Variants in ZMYND8 observed in about 807,000 individuals in gnomAD.
ZMYND8 encodes MYND-type zinc finger-containing chromatin reader ZMYND8.
ZMYND8 carries 37 observed loss-of-function variants against 140.8 expected under a neutral mutation model. That is an observed-to-expected ratio of 0.26 (90% confidence interval 0.20 to 0.35). ZMYND8 has a LOEUF of 0.35. Among genes scored for constraint, ZMYND8 ranks in the 10% least tolerant of loss-of-function variants. The probability of loss-of-function intolerance (pLI) is 1.00; values close to 1 mark genes in which losing one functional copy is unlikely to be tolerated. For synonymous variants in ZMYND8, 592 were observed against 597.1 expected (o/e 0.99, Z 0.12); for missense variants, 1,068 against 1,570.0 (o/e 0.68, Z 5.40).
Position 47,209,710 on chromosome 20 carries a change from C to G in ZMYND8, c.*1051G>C, listed in dbSNP as rs571378353. 1 of 152,766 alleles carries G rather than the reference C, an allele frequency of 6.5e-6. No homozygotes were observed. Among genetic ancestry groups the G allele is most frequent in the East Asian group, 1.9e-4 (1 of 5,184 alleles). The allele number at this position is 152,766 out of a possible 1,614,324, so 9.5% of individuals were successfully genotyped here. ...AATGCTTTTTGTTTTACACAACATA[C>G]AAAATGGCTCTACAGCATACGTAGT... On this transcript the variant is annotated 3_prime_UTR_variant, in exon 23 of 23. Transcript: ENST00000471951.
At chr20:47,339,428 C>G (rs917665652) in intron 2 of ZMYND8, among the ~76,000 whole-genome samples, 13 of 152,202 alleles carry the variant, frequency 8.5e-5, no homozygotes, top group African/African-American at 3.1e-4. Context: ...TTCACTGTCT[C>G]TAAGTTGATG....
chr20:47,251,802 C>T (rs1185964129), intron 12 of ZMYND8, among the ~76,000 whole-genome samples: 1 of 139,818 alleles, frequency 7.2e-6, no homozygotes, highest in Admixed American at 7.0e-5. Context: ...GCCGCCGCAC[C>T]GTCTGGGAAG....
intron 8 of ZMYND8, among the ~76,000 whole-genome samples, 167 bp downstream of exon 8, chr20:47,287,062 C>T (rs1162626939): frequency 2.0e-5 from 3 of 152,144 alleles, no homozygotes; most frequent in African/African-American, 4.8e-5. Context: ...ATAATATACT[C>T]GGGCCCCTCT....
intron 3 of ZMYND8, among the ~76,000 whole-genome samples, chr20:47,307,824 T>C (rs2078614694): frequency 6.6e-6 from 1 of 151,380 alleles, no homozygotes; most frequent in Admixed American, 6.6e-5. Context: ...TGAAACTCCA[T>C]CTCAAATAAA....
At chr20:47,303,523 G>A (rs767790681) in intron 3 of ZMYND8, among the ~76,000 whole-genome samples, 31 of 152,246 alleles carry the variant, frequency 2.0e-4, no homozygotes, top group Non-Finnish European at 4.1e-4. Flanking sequence ...TTCAAGACCA[G>A]CCTGGCCAAC....
At chr20:47,264,518 C>A (rs929631812) in intron 11 of ZMYND8, among the ~76,000 whole-genome samples, 1 of 152,128 alleles carries the variant, frequency 6.6e-6, no homozygotes, top group African/African-American at 2.4e-5. Flanking sequence ...CTCAAGGGAT[C>A]CACCCGCCTC....
intron 2 of ZMYND8, among the ~76,000 whole-genome samples, chr20:47,339,386 T>C (rs1287045521): frequency 6.6e-6 from 1 of 152,178 alleles, no homozygotes; most frequent in Non-Finnish European, 1.5e-5. Context: ...AGAACAGTCA[T>C]TCTCACCACC....
intron 19 of ZMYND8, among the ~76,000 whole-genome samples, chr20:47,222,885 A>G (rs945656325): frequency 1.3e-4 from 20 of 152,364 alleles, no homozygotes; most frequent in African/African-American, 4.6e-4. Flanking sequence ...CCATCCATTT[A>G]TATATCATCT....
intron 15 of ZMYND8, 97 bp from the exon 16 acceptor site, chr20:47,236,613 G>C (rs1348301001): frequency 7.9e-7 from 1 of 1,266,268 alleles, no homozygotes; most frequent in African/African-American, 1.5e-5. Flanking sequence ...GACATCCTGA[G>C]AGCTTTTCTA....
rs748579683 is a variant in ZMYND8 at position 47,291,841 on chromosome 20, A to G, written c.615T>C (p.Tyr205=). Residue 205 remains tyrosine (Y), a synonymous_variant, in exon 6 of 23, where the codon TAT becomes TAC. Transcript: ENST00000471951. The part of the protein sequence containing the change: ...KPVPLEQHPD[Y]AEYIFHPMDL... ...CCATTGGATGGAAGATGTATTCCGC[A>G]TAGTCAGGGTGCTGTTCCAATGGAA... The G allele has an allele frequency of 3.7e-6, 6 of 1,613,510 alleles. No individual in the cohort carries two copies. The Admixed American group carries it at 5.0e-5, about 13-fold the overall frequency.
At chr20:47,266,423 G>A (rs954176761) in intron 11 of ZMYND8, among the ~76,000 whole-genome samples, 1 of 152,074 alleles carries the variant, frequency 6.6e-6, no homozygotes, top group Non-Finnish European at 1.5e-5. Flanking sequence ...TGGGATTACA[G>A]GCGCCCACCA....
Position 47,212,660 on chromosome 20 carries a change from T to A in ZMYND8, c.3550A>T (p.Asn1184Tyr), listed in dbSNP as rs779754857. Residue 1184 changes from asparagine (N) to tyrosine (Y), a missense_variant, in exon 22 of 23, where the codon AAC (asparagine) becomes TAC (tyrosine). Around this residue, in one of 10 missense-constraint regions of ZMYND8, gnomAD observed 180 missense variants for 187.8 expected, o/e 0.96. Transcript: ENST00000471951. ...TACTTACACTTCTGGGCGGGGTAGT[T>A]GGGGTGCGGCTGGTGGTCTGTGGTG... Reference protein sequence around the residue: ...PTTTDHQPHPNYPAQKYHSRS... With the variant: ...PTTTDHQPHPYYPAQKYHSRS... 2.5e-6 allele frequency: 4 copies of A among 1,613,822 alleles called. No homozygotes were observed. In the Admixed American group the frequency reaches 6.7e-5, roughly 27 times the overall value.
intron 12 of ZMYND8, among the ~76,000 whole-genome samples, chr20:47,255,831 T>A (rs2074663439): frequency 6.9e-6 from 1 of 144,738 alleles, no homozygotes; most frequent in Non-Finnish European, 1.5e-5. Context: ...TATGTATATA[T>A]ATATACACAC....
At chr20:47,337,117 C>T (rs1402640391) in intron 2 of ZMYND8, among the ~76,000 whole-genome samples, 3 of 151,876 alleles carry the variant, frequency 2.0e-5, no homozygotes, top group Admixed American at 1.3e-4. Context: ...TTTGGGAGGC[C>T]AAGGCGGGTG....
chr20:47,310,044 C>A lies in ZMYND8; in HGVS notation c.234+12G>T, dbSNP rs375661761. ...CCACCAGTGAGGACACCGTTCCCAG[C>A]GGCTGCTTTACCTGCTCCTTATTGT... On this transcript the variant is annotated intron_variant, in intron 3 of 22. Coordinates refer to ENST00000471951, the MANE Select transcript of ZMYND8 (RefSeq NM_001281775.3). 2 of 1,613,972 alleles carry A rather than the reference C, an allele frequency of 1.2e-6. No individual in the cohort carries two copies. Among genetic ancestry groups the A allele is most frequent in the African/African-American group, 1.3e-5 (1 of 74,908 alleles).
At chr20:47,215,466 C>T (rs760621092) in intron 21 of ZMYND8, among the ~76,000 whole-genome samples, 1 of 150,456 alleles carries the variant, frequency 6.6e-6, no homozygotes. Flanking sequence ...ATAGCAGCAG[C>T]GGAGTGTGTA....
At chr20:47,287,461 T>C (rs1401553845) in intron 7 of ZMYND8, among the ~76,000 whole-genome samples, 177 bp from the exon 8 acceptor site, 1 of 152,196 alleles carries the variant, frequency 6.6e-6, no homozygotes, top group Non-Finnish European at 1.5e-5. Context: ...ATTCCTCCCA[T>C]CAATGTCGAC....
At chr20:47,264,783 C>T (rs1257810614) in intron 11 of ZMYND8, among the ~76,000 whole-genome samples, 1 of 151,970 alleles carries the variant, frequency 6.6e-6, no homozygotes, top group African/African-American at 2.4e-5. Flanking sequence ...CCCTGTAATC[C>T]CAGCACCTTG....
intron 2 of ZMYND8, among the ~76,000 whole-genome samples, chr20:47,333,742 A>ACAAAAC (rs2081160125): frequency 7.0e-6 from 1 of 142,052 alleles, no homozygotes; most frequent in African/African-American, 2.9e-5. Flanking sequence ...AAAAAAAAAA[A>ACAAAAC]AAAAAAAAAA....
Sources: gnomAD v4.1 joint callset for allele counts (sites outside exome capture counted in the v4.1 genomes callset) on GRCh38, gnomAD v4.1.1 for gene constraint, gnomAD v4.1.1 regional missense constraint, MANE v1.5 for transcripts, NCBI Gene and HGNC (gene_info 2026-07-23, HGNC 2026-07-21) for gene names.